ELP4: variants seen among roughly 807,000 people sequenced by gnomAD.
ELP4 encodes elongator complex protein 4.
A neutral mutation model predicts 48.9 loss-of-function variants in ELP4; 51 were observed. That is an observed-to-expected ratio of 1.04 (90% CI 0.83 to 1.32). The LOEUF (loss-of-function observed/expected upper bound fraction) is 1.32, where lower values mean the gene tolerates loss of function less well. Ranked by LOEUF, ELP4 falls within the 40% of genes most tolerant of loss-of-function variation. ELP4 has a pLI of 0.00. For synonymous variants in ELP4, 210 were observed against 189.2 expected, an observed-to-expected ratio of 1.11 and a Z score of -0.90; for missense variants, 519 against 514.6, an observed-to-expected ratio of 1.01 and a Z score of -0.08.
Position 31,647,758 on chromosome 11 carries a change from C to G in ELP4, c.945C>G (p.Ala315=). ...THLIQNKAII[A]RVTTLSDVVV... ...TTTTGCAGAATAAAGCCATTATTGCCCGTGTCACAACCTTGTCAGATGTAG... is the reference window on the plus strand; with the variant it reads ...TTTTGCAGAATAAAGCCATTATTGCGCGTGTCACAACCTTGTCAGATGTAG... Residue 315 remains alanine (A), a synonymous_variant, in exon 8 of 10, where the codon GCC becomes GCG. Coordinates refer to ENST00000640961, the MANE Select transcript of ELP4 (RefSeq NM_019040.5). 1 of 1,607,686 alleles carries G rather than the reference C, an allele frequency of 6.2e-7. No homozygotes were observed. Among genetic ancestry groups the G allele is most frequent in the Non-Finnish European group, 8.5e-7 (1 of 1,175,264 alleles).
At chr11:31,592,351 C>T (rs1438412601) in intron 3 of ELP4, among the ~76,000 whole-genome samples, 3 of 151,940 alleles carry the variant, frequency 2.0e-5, no homozygotes, top group South Asian at 2.1e-4. Flanking sequence ...CAACACCAGC[C>T]TGGGCAACAT....
At chr11:31,652,641 T>TA (rs1009879273) in intron 9 of ELP4, 3 of 151,770 alleles carry the variant, frequency 2.0e-5, no homozygotes, top group African/African-American at 7.2e-5. Flanking sequence ...TACTAGCCTG[T>TA]AAAGTCTGAG....
At chr11:31,578,851 G>T (rs1446361414) in intron 3 of ELP4, among the ~76,000 whole-genome samples, 1 of 152,150 alleles carries the variant, frequency 6.6e-6, no homozygotes, top group Non-Finnish European at 1.5e-5. Flanking sequence ...AGAAAACCTA[G>T]GCAATACCAT....
At chr11:31,757,452 T>A (rs966593265) in intron 9 of ELP4, among the ~76,000 whole-genome samples, 4 of 152,110 alleles carry the variant, frequency 2.6e-5, no homozygotes, top group African/African-American at 9.7e-5. Flanking sequence ...AGCCTGTCGT[T>A]TGGGAGCTGA....
intron 2 of ELP4, among the ~76,000 whole-genome samples, chr11:31,533,368 C>CTTTTTTTTTTTTTTTTT (rs71060492): frequency 0.013 from 646 of 50,482 alleles, 136 homozygotes; most frequent in East Asian, 0.02. Context: ...CCATCTCATT[C>CTTTTTTTTTTTTTTTTT]TTTTTTTTTT....
At chr11:31,547,846 A>G (rs960355088) in intron 3 of ELP4, among the ~76,000 whole-genome samples, 4 of 152,244 alleles carry the variant, frequency 2.6e-5, no homozygotes, top group African/African-American at 9.6e-5. Context: ...ACAAATCAAT[A>G]AATGTAATCC....
chr11:31,615,671 C>A (rs974970268), intron 5 of ELP4, among the ~76,000 whole-genome samples: 2 of 151,892 alleles, frequency 1.3e-5, no homozygotes, highest in African/African-American at 2.4e-5. Context: ...TAGATGTAGG[C>A]CCCTAAATGA....
intron 6 of ELP4, among the ~76,000 whole-genome samples, chr11:31,631,897 A>G (rs1375268592): frequency 6.6e-6 from 1 of 152,234 alleles, no homozygotes; most frequent in East Asian, 1.9e-4. Flanking sequence ...AGATTTCATC[A>G]TTATTATCTG....
chr11:31,707,040 G>A (rs144984391), intron 9 of ELP4: 6 of 398,250 alleles, frequency 1.5e-5, no homozygotes, highest in Admixed American at 4.4e-5. Context: ...TGCAGTAGAC[G>A]TGGATGTCCG....
chr11:31,547,427 C>A (rs1189800009), intron 3 of ELP4, among the ~76,000 whole-genome samples: 1 of 152,194 alleles, frequency 6.6e-6, no homozygotes, highest in Non-Finnish European at 1.5e-5. Flanking sequence ...TCTCCCAAGA[C>A]TAAACCAGGA....
chr11:31,513,496 T>C (rs1956048481), intron 1 of ELP4, among the ~76,000 whole-genome samples: 1 of 152,204 alleles, frequency 6.6e-6, no homozygotes, highest in African/African-American at 2.4e-5. Context: ...AGAAATACTT[T>C]TTTGTAATTT....
At chr11:31,531,007 G>A (rs1019629763) in intron 2 of ELP4, among the ~76,000 whole-genome samples, 10 of 152,136 alleles carry the variant, frequency 6.6e-5, no homozygotes, top group Admixed American at 5.9e-4. Flanking sequence ...CTTGCCCAGT[G>A]TTATGGGGAT....
intron 2 of ELP4, among the ~76,000 whole-genome samples, chr11:31,529,799 C>T (rs2133891442): frequency 6.6e-6 from 1 of 152,178 alleles, no homozygotes; most frequent in East Asian, 1.9e-4. Context: ...TTAGTGGCCC[C>T]AAAAACACTA....
chr11:31,659,083 T>C (rs1592198717), intron 9 of ELP4, among the ~76,000 whole-genome samples: 1 of 152,066 alleles, frequency 6.6e-6, no homozygotes. Flanking sequence ...ATGATAAATA[T>C]AAATTATTAG....
At chr11:31,610,863 C>T (rs1957966473) in intron 5 of ELP4, among the ~76,000 whole-genome samples, 1 of 152,146 alleles carries the variant, frequency 6.6e-6, no homozygotes, top group South Asian at 2.1e-4. Context: ...TCATCTCCTC[C>T]ACAGTTATGT....
At chr11:31,661,403 T>C (rs1160691090) in intron 9 of ELP4, among the ~76,000 whole-genome samples, 3 of 152,084 alleles carry the variant, frequency 2.0e-5, no homozygotes, top group Non-Finnish European at 4.4e-5. Context: ...AGTTCTTGAA[T>C]ATCCATTCTG....
At chr11:31,532,020 A>G (rs891885408) in intron 2 of ELP4, among the ~76,000 whole-genome samples, 7 of 152,208 alleles carry the variant, frequency 4.6e-5, no homozygotes, top group African/African-American at 1.7e-4. Flanking sequence ...ATAGTAGCTA[A>G]CATTTATTGA....
rs531388774 is a variant in ELP4, at chr11:31,721,964, C to G, written c.1144-61429C>G. 2.6e-5 allele frequency among the ~76,000 whole-genome samples: 4 copies of G among 152,264 alleles called. No individual in the cohort carries two copies. The South Asian group carries it at 8.3e-4, about 32-fold the overall frequency. On this transcript the variant is annotated intron_variant, in intron 9 of 9. Transcript: ENST00000640961. The stretch of plus-strand genomic sequence containing the variant: ...ATGTTGTGGCCCTCTCCAGTGCCTT[C>G]CTCGCTTTTATTATGTACCCACAGC...
At chr11:31,531,974 G>C (rs1956402424) in intron 2 of ELP4, among the ~76,000 whole-genome samples, 1 of 152,104 alleles carries the variant, frequency 6.6e-6, no homozygotes, top group African/African-American at 2.4e-5. Context: ...TATTTGTGGG[G>C]ATAAAAAGGA....
Sources: gnomAD v4.1 joint callset for allele counts (sites outside exome capture counted in the v4.1 genomes callset) on GRCh38, gnomAD v4.1.1 for gene constraint, MANE v1.5 for transcripts, NCBI Gene and HGNC (gene_info 2026-07-23, HGNC 2026-07-21) for gene names.